THSD7A: variants seen among roughly 807,000 people sequenced by gnomAD.
The protein encoded by THSD7A is thrombospondin type 1 domain containing 7A.
A neutral mutation model predicts 231.3 loss-of-function variants in THSD7A; 96 were observed. That is an observed-to-expected ratio of 0.41 (90% CI 0.35 to 0.49). THSD7A has a LOEUF of 0.49. Ranked by LOEUF, THSD7A falls within the 20% of genes least tolerant of loss-of-function variation. The probability of loss-of-function intolerance (pLI) is 0.05; values close to 1 mark genes in which losing one functional copy is unlikely to be tolerated. For synonymous variants in THSD7A, 940 were observed against 743.3 expected, an observed-to-expected ratio of 1.26 and a Z score of -4.30; for missense variants, 2,290 against 2,070.2, an observed-to-expected ratio of 1.11 and a Z score of -2.06.
At chr7:11,702,965 A>G (rs1478007189) in intron 1 of THSD7A, among the ~76,000 whole-genome samples, 2 of 151,258 alleles carry the variant, frequency 1.3e-5, no homozygotes, top group Non-Finnish European at 3.0e-5. Context: ...GAAACTTATA[A>G]TCATGTCTTT....
At chr7:11,427,137 T>C (rs577232687) in intron 14 of THSD7A, among the ~76,000 whole-genome samples, 1 of 152,272 alleles carries the variant, frequency 6.6e-6, no homozygotes, top group South Asian at 2.1e-4. Context: ...GCTAGAAAAA[T>C]AGAAACTCAG....
intron 1 of THSD7A, among the ~76,000 whole-genome samples, chr7:11,771,966 T>C (rs1482625481): frequency 5.3e-5 from 8 of 152,180 alleles, no homozygotes; most frequent in Non-Finnish European, 2.9e-5. Flanking sequence ...CCTTCCGCCA[T>C]GGTTGAAAGT....
intron 4 of THSD7A, among the ~76,000 whole-genome samples, chr7:11,571,450 G>T (rs961364774): frequency 2.0e-5 from 3 of 152,154 alleles, no homozygotes; most frequent in African/African-American, 7.2e-5. Context: ...GATCAGATTT[G>T]TTGAGAGCTT....
At chr7:11,799,568 C>T (rs1299174525) in intron 1 of THSD7A, among the ~76,000 whole-genome samples, 1 of 152,126 alleles carries the variant, frequency 6.6e-6, no homozygotes, top group Non-Finnish European at 1.5e-5. Flanking sequence ...CATCAATCTT[C>T]TTAAATAAAT....
intron 10 of THSD7A, among the ~76,000 whole-genome samples, chr7:11,461,394 C>T (rs2128298343): frequency 6.6e-6 from 1 of 152,268 alleles, no homozygotes; most frequent in South Asian, 2.1e-4. Flanking sequence ...TGCCATAATA[C>T]TTCATTTGCT....
chr7:11,824,521 T>A (rs769285489), intron 1 of THSD7A, among the ~76,000 whole-genome samples: 4 of 152,136 alleles, frequency 2.6e-5, no homozygotes, highest in Admixed American at 1.3e-4. Flanking sequence ...TAATCTCAGC[T>A]ATGATTGAGG....
At chr7:11,402,501 G>T (rs993290460) in intron 22 of THSD7A, among the ~76,000 whole-genome samples, 1 of 152,106 alleles carries the variant, frequency 6.6e-6, no homozygotes, top group Non-Finnish European at 1.5e-5. Flanking sequence ...TGGAAATAAT[G>T]CTCACTATTT....
rs185796592 is a variant in THSD7A, at chr7:11,488,718, A to G, written c.1823-6736T>C. Among the ~76,000 whole-genome samples the G allele has an allele frequency of 2.6e-3, 399 of 152,190 alleles. 1 individual carries two copies. Among genetic ancestry groups the G allele is most frequent in the African/African-American group, 9.3e-3 (385 of 41,526 alleles). The stretch of plus-strand genomic sequence containing the variant: ...TTTCTAAAATCTAAGTCTGAATACT[A>G]TAGTCTCTCCAATATATATTAGCTG... On this transcript the variant is annotated intron_variant, in intron 6 of 27. Coordinates refer to ENST00000423059, the MANE Select transcript of THSD7A (RefSeq NM_015204.3).
chr7:11,743,228 A>T (rs967522042), intron 1 of THSD7A, among the ~76,000 whole-genome samples: 40 of 152,010 alleles, frequency 2.6e-4, no homozygotes, highest in Non-Finnish European at 2.9e-4. Flanking sequence ...TGTTATCTTT[A>T]CAAGGCAGCT....
intron 4 of THSD7A, among the ~76,000 whole-genome samples, chr7:11,543,425 G>C (rs1282117956): frequency 6.6e-6 from 1 of 152,108 alleles, no homozygotes; most frequent in Admixed American, 6.5e-5. Flanking sequence ...TATTCCTTAA[G>C]GTTAGATCTA....
chr7:11,768,257 CA>C (rs536481836), intron 1 of THSD7A, among the ~76,000 whole-genome samples: 11 of 152,138 alleles, frequency 7.2e-5, no homozygotes, highest in African/African-American at 2.6e-4. Context: ...GCTAGTTGTC[CA>C]ACAATATATC....
At chr7:11,708,441 GAAC>G (rs1259478618) in intron 1 of THSD7A, among the ~76,000 whole-genome samples, 1 of 150,628 alleles carries the variant, frequency 6.6e-6, no homozygotes, top group Admixed American at 6.6e-5. Flanking sequence ...TTTGCCAAAA[GAAC>G]AACATCTCTG....
At chr7:11,440,643 A>T (rs373342922) in intron 13 of THSD7A, among the ~76,000 whole-genome samples, 1 of 152,060 alleles carries the variant, frequency 6.6e-6, no homozygotes, top group South Asian at 2.1e-4. Context: ...TGGTAGAAAC[A>T]GCAAGAGAAC....
intron 1 of THSD7A, among the ~76,000 whole-genome samples, chr7:11,776,141 T>C (rs542022223): frequency 6.6e-6 from 1 of 152,302 alleles, no homozygotes; most frequent in East Asian, 1.9e-4. Flanking sequence ...TGAAGCAAAC[T>C]AAAAATGATT....
Position 11,831,873 on chromosome 7 carries a change from A to G in THSD7A, c.74T>C (p.Leu25Pro), listed in dbSNP as rs769138411. Reference protein sequence around the residue: ...AAGPRRGVLQLLPLPLPLPLL... With the variant: ...AAGPRRGVLQPLPLPLPLPLL... Reference sequence around the variant, plus strand: ...CGGCAGCGGCAGCGGCAGCGGCAGCAGCTGCAGGACGCCCCGGCGCGGCCC... The same window carrying G: ...CGGCAGCGGCAGCGGCAGCGGCAGCGGCTGCAGGACGCCCCGGCGCGGCCC... Residue 25 changes from leucine to proline, a missense_variant, in exon 1 of 28, where the codon CTG (leucine) becomes CCG (proline). Leu to Pro is a moderately conservative substitution (Grantham distance 98). Coordinates refer to ENST00000423059, the MANE Select transcript of THSD7A (RefSeq NM_015204.3). This position sits in a 1 kb window ranked among gnomAD's most constrained non-coding sequence, Gnocchi z 5.0. 5.6e-6 allele frequency: 7 copies of G among 1,244,636 alleles called. No individual in the cohort carries two copies. The East Asian group carries it at 1.0e-4, about 18-fold the overall frequency. The allele number at this position is 1,244,636 out of a possible 1,614,324, so 77.1% of individuals were successfully genotyped here. A position where few individuals can be genotyped will look rare whatever the true frequency, so the allele number is the denominator to read the frequency against.
chr7:11,534,639 G>C (rs1483460511), intron 6 of THSD7A, among the ~76,000 whole-genome samples: 1 of 152,132 alleles, frequency 6.6e-6, no homozygotes, highest in South Asian at 2.1e-4. Flanking sequence ...CCTAGCAATA[G>C]TTAAATGATA....
Position 11,599,604 on chromosome 7 carries a change from G to A in THSD7A, c.1023-6102C>T, listed in dbSNP as rs537984447. On this transcript the variant is annotated intron_variant, in intron 2 of 27. Coordinates refer to ENST00000423059, the MANE Select transcript of THSD7A (RefSeq NM_015204.3). ...AATAGTATTTGGTTTGGGGATTGGT[G>A]CATTTCTGGTTGTACGAAGGATAGT... Among the ~76,000 whole-genome samples, 7 of 152,250 alleles carry A rather than the reference G, an allele frequency of 4.6e-5. No homozygotes were observed. In the East Asian group the frequency reaches 1.4e-3, roughly 29 times the overall value.
intron 1 of THSD7A, among the ~76,000 whole-genome samples, chr7:11,749,345 A>G (rs181763775): frequency 1.8e-4 from 27 of 151,938 alleles, no homozygotes; most frequent in African/African-American, 6.5e-4. Context: ...CACCCCCCAC[A>G]TATCTCCCCC....
At chr7:11,552,377 G>T (rs1789667972) in intron 4 of THSD7A, among the ~76,000 whole-genome samples, 1 of 151,878 alleles carries the variant, frequency 6.6e-6, no homozygotes. Context: ...AAGGAAACAG[G>T]TTAAAACATT....
Sources: allele counts gnomAD v4.1 joint callset (sites outside exome capture counted in the v4.1 genomes callset), GRCh38; gene constraint gnomAD v4.1.1; non-coding constraint Gnocchi (gnomAD v3.1); transcripts MANE v1.5; gene names NCBI Gene and HGNC (gene_info 2026-07-23, HGNC 2026-07-21).